DNAJC11: variants seen among roughly 807,000 people sequenced by gnomAD.
DNAJC11 encodes the protein DnaJ heat shock protein family (Hsp40) member C11.
A neutral mutation model predicts 78.6 loss-of-function variants in DNAJC11; 15 were observed. The observed-to-expected ratio is 0.19, with a 90% CI of 0.13 to 0.29. The LOEUF is 0.29. Ranked by LOEUF, DNAJC11 falls within the 10% of genes least tolerant of loss-of-function variation. DNAJC11 has a pLI of 1.00. For synonymous variants in DNAJC11, 292 were observed against 272.1 expected, an observed-to-expected ratio of 1.07 and a Z score of -0.72; for missense variants, 547 against 709.6, an observed-to-expected ratio of 0.77 and a Z score of 2.60.
intron 1 of DNAJC11, among the ~76,000 whole-genome samples, chr1:6,695,123 G>A (rs1642813985): frequency 6.7e-6 from 1 of 148,160 alleles, no homozygotes; most frequent in Admixed American, 6.8e-5. Flanking sequence ...TCCAGCCTGG[G>A]TGACAGAGCG....
chr1:6,658,432 T>G (rs1642162838), intron 4 of DNAJC11, among the ~76,000 whole-genome samples: 1 of 152,214 alleles, frequency 6.6e-6, no homozygotes, highest in Admixed American at 6.5e-5. Context: ...TGAATATTAA[T>G]GTAATCCAAT....
At chr1:6,672,809 C>T (rs187400217) in intron 3 of DNAJC11, among the ~76,000 whole-genome samples, 11 of 152,348 alleles carry the variant, frequency 7.2e-5, no homozygotes, top group African/African-American at 2.6e-4. Context: ...GCATCCAAAG[C>T]TGCATGACAG....
intron 3 of DNAJC11, 83 bp from the exon 4 acceptor site, chr1:6,667,893 T>C: frequency 1.5e-6 from 2 of 1,351,376 alleles, no homozygotes; most frequent in Non-Finnish European, 2.1e-6. Flanking sequence ...GCCATTGATT[T>C]TGGTGTGTGC....
At chr1:6,692,737 T>C (rs369776196) in intron 1 of DNAJC11, among the ~76,000 whole-genome samples, 1 of 148,240 alleles carries the variant, frequency 6.7e-6, no homozygotes, top group Non-Finnish European at 1.5e-5. Context: ...CAGCCTCCCA[T>C]GTAGCTGAGA....
chr1:6,669,774 A>T (rs1387186933), intron 3 of DNAJC11, among the ~76,000 whole-genome samples: 1 of 151,800 alleles, frequency 6.6e-6, no homozygotes, highest in Non-Finnish European at 1.5e-5. Context: ...AACAGTGGTT[A>T]CTCTTTTTCT....
rs148203887 is a variant in DNAJC11 at position 6,663,463 on chromosome 1, G to GA, written c.378+4245dup. On this transcript the variant is annotated intron_variant, in intron 4 of 15. Transcript: ENST00000377577. ...AGGGAGAAGATTTATGGGTATTAAG[G>GA]AAAAAAGGAATTAAAATAATCAATA... Among the ~76,000 whole-genome samples, 775 of 152,022 alleles carry GA rather than the reference G, an allele frequency of 5.1e-3. 8 individuals are homozygous for GA. Among genetic ancestry groups the GA allele is most frequent in the African/African-American group, 0.017 (723 of 41,500 alleles).
chr1:6,662,938 G>C (rs1360804933), intron 4 of DNAJC11, among the ~76,000 whole-genome samples: 1 of 152,118 alleles, frequency 6.6e-6, no homozygotes, highest in African/African-American at 2.4e-5. Flanking sequence ...CCACCTTTAA[G>C]GTAACACTCA....
intron 4 of DNAJC11, among the ~76,000 whole-genome samples, chr1:6,666,499 G>A (rs1410068518): frequency 6.7e-6 from 1 of 148,312 alleles, no homozygotes; most frequent in Non-Finnish European, 1.5e-5. Flanking sequence ...CTATTCTCCT[G>A]TCTCAGCCTC....
chr1:6,691,294 A>G (rs577252404), intron 1 of DNAJC11, among the ~76,000 whole-genome samples: 7 of 95,004 alleles, frequency 7.4e-5, no homozygotes, highest in African/African-American at 2.6e-4. Flanking sequence ...AGAATTCAAG[A>G]ACAAATGGGC....
chr1:6,677,510 T>C (rs1017865588), intron 3 of DNAJC11, among the ~76,000 whole-genome samples: 1 of 152,198 alleles, frequency 6.6e-6, no homozygotes, highest in African/African-American at 2.4e-5. Flanking sequence ...TTTCTCAGGC[T>C]GGTCTCGAAC....
At chr1:6,681,808 T>C (rs529030159) in intron 1 of DNAJC11, among the ~76,000 whole-genome samples, 2 of 152,238 alleles carry the variant, frequency 1.3e-5, no homozygotes, top group East Asian at 3.9e-4. Flanking sequence ...CTTGGGACAC[T>C]GAGCGGGCTA....
At chr1:6,662,474 A>G (rs549383774) in intron 4 of DNAJC11, among the ~76,000 whole-genome samples, 73 of 152,094 alleles carry the variant, frequency 4.8e-4, no homozygotes, top group Non-Finnish European at 9.4e-4. Flanking sequence ...TGAGAGGTGA[A>G]GCCAGCTGGA....
chr1:6,663,634 T>A (rs1642251478), intron 4 of DNAJC11, among the ~76,000 whole-genome samples: 1 of 152,168 alleles, frequency 6.6e-6, no homozygotes, highest in South Asian at 2.1e-4. Flanking sequence ...TAGTTTCGCA[T>A]ACTGCTCTCA....
At position 6,693,976 on chromosome 1, in the gene DNAJC11, C is replaced by G. The variant is rs377138877; in HGVS notation, c.72+7753G>C. 1.6e-4 allele frequency among the ~76,000 whole-genome samples: 24 copies of G among 151,718 alleles called. No homozygotes were observed. The East Asian group carries it at 4.7e-3, about 30-fold the overall frequency. On this transcript the variant is annotated intron_variant, in intron 1 of 15. Coordinates refer to ENST00000377577, the MANE Select transcript of DNAJC11 (RefSeq NM_018198.4). ...TCAGCCTTATGAGTAGCTGGGATTA[C>G]AGGCGCCCGCCATCAAGTCTGGCTA...
chr1:6,670,238 C>CA (rs755337003), intron 3 of DNAJC11, among the ~76,000 whole-genome samples: 39 of 151,904 alleles, frequency 2.6e-4, no homozygotes, highest in Admixed American at 9.2e-4. Context: ...AAGCTTATAG[C>CA]AAAAAATCAA....
At chr1:6,657,964 T>C (rs1358178637) in intron 4 of DNAJC11, among the ~76,000 whole-genome samples, 1 of 151,810 alleles carries the variant, frequency 6.6e-6, no homozygotes, top group Non-Finnish European at 1.5e-5. Context: ...GATTTAAAGA[T>C]AACCAAGTGA....
intron 1 of DNAJC11, among the ~76,000 whole-genome samples, chr1:6,695,979 C>T (rs1241549402): frequency 6.6e-6 from 1 of 152,198 alleles, no homozygotes; most frequent in Non-Finnish European, 1.5e-5. Flanking sequence ...CTCCATTCTG[C>T]AGGTAAGTAG....
chr1:6,666,008 C>T (rs1282029524), intron 4 of DNAJC11, among the ~76,000 whole-genome samples: 1 of 152,236 alleles, frequency 6.6e-6, no homozygotes, highest in Non-Finnish European at 1.5e-5. Context: ...CTCCCTGGCT[C>T]GGTTCACCCA....
intron 1 of DNAJC11, among the ~76,000 whole-genome samples, chr1:6,681,342 C>A (rs957252388): frequency 6.6e-6 from 1 of 152,124 alleles, no homozygotes; most frequent in East Asian, 1.9e-4. Context: ...GTCACAGAGA[C>A]GTGCTAACTC....
Sources: allele counts gnomAD v4.1 joint callset (sites outside exome capture counted in the v4.1 genomes callset), GRCh38; gene constraint gnomAD v4.1.1; transcripts MANE v1.5; gene names NCBI Gene and HGNC (gene_info 2026-07-23, HGNC 2026-07-21).